PCNT: variants seen among roughly 807,000 people sequenced by gnomAD.
PCNT encodes the protein pericentrin.
A neutral mutation model predicts 380.4 loss-of-function variants in PCNT; 319 were observed. That is an observed-to-expected ratio of 0.84 (90% confidence interval 0.77 to 0.92). The LOEUF (loss-of-function observed/expected upper bound fraction) is 0.92. PCNT is among the 40% of genes least tolerant of loss of function. The probability of loss-of-function intolerance (pLI) is 0.00; values close to 1 mark genes in which losing one functional copy is unlikely to be tolerated. For missense variants in PCNT, 4,400 were observed against 4,255.3 expected, an observed-to-expected ratio of 1.03 and a Z score of -0.95; for synonymous variants, 1,845 against 1,735.2, an observed-to-expected ratio of 1.06 and a Z score of -1.57.
At chr21:46,434,906 TTC>T (rs747701188) in intron 38 of PCNT, among the ~76,000 whole-genome samples, 3 of 152,238 alleles carry the variant, frequency 2.0e-5, no homozygotes, top group Non-Finnish European at 2.9e-5. Flanking sequence ...ATCCGGTCTG[TTC>T]TGTTTCAGCT....
At chr21:46,420,077 G>A (rs1602045431) in intron 31 of PCNT, among the ~76,000 whole-genome samples, 3 of 152,176 alleles carry the variant, frequency 2.0e-5, no homozygotes, top group South Asian at 2.1e-4. Context: ...CTCTGTGCCC[G>A]CGCCCTCCAG....
In PCNT at chr21:46,432,086, A is replaced by T; in HGVS notation, c.8622A>T (p.Glu2874Asp). ...EREKPAWLQA[E>D]LEQSHPRLKE... is the part of the protein sequence containing the mutation. The stretch of plus-strand genomic sequence containing the variant: ...AGAAACCAGCGTGGTTGCAGGCAGA[A>T]TTAGAGCAGTCACACCCACGGTTGA... Residue 2874 changes from glutamate (E) to aspartate (D), a missense_variant, in exon 38 of 47, where the codon GAA (glutamate) becomes GAT (aspartate). Coordinates refer to ENST00000359568, the MANE Select transcript of PCNT (RefSeq NM_006031.6). The T allele has an allele frequency of 1.9e-6, 3 of 1,614,146 alleles. No individual in the cohort carries two copies. Among genetic ancestry groups the T allele is most frequent in the Non-Finnish European group, 2.5e-6 (3 of 1,180,046 alleles).
intron 2 of PCNT, among the ~76,000 whole-genome samples, chr21:46,332,433 C>G (rs555804851): frequency 8.5e-5 from 13 of 152,296 alleles, no homozygotes; most frequent in Non-Finnish European, 1.8e-4. Context: ...TTTAAAACAA[C>G]TTTATAAGAA....
At chr21:46,359,485 T>G (rs1287175423) in intron 13 of PCNT, among the ~76,000 whole-genome samples, 1 of 87,060 alleles carries the variant, frequency 1.1e-5, no homozygotes, top group Non-Finnish European at 2.6e-5. Flanking sequence ...CACCTGTTTT[T>G]TTTTTGTTTT....
intron 15 of PCNT, among the ~76,000 whole-genome samples, chr21:46,370,968 G>T (rs2085103735): frequency 6.6e-6 from 1 of 152,224 alleles, no homozygotes; most frequent in African/African-American, 2.4e-5. Context: ...CCGGGAGGCG[G>T]AGGTTGTGGT....
At position 46,412,247 on chromosome 21, in the gene PCNT, G is replaced by C. The variant is rs575036580; in HGVS notation, c.5994+180G>C. Among the ~76,000 whole-genome samples, 10 of 152,318 alleles carry C rather than the reference G, an allele frequency of 6.6e-5. No individual in the cohort carries two copies. In the South Asian group the frequency reaches 2.1e-3, roughly 32 times the overall value. ...GCCTGGGCCTGTTCCGTGTCAGTACGCAGTGAAGCTGGGCTGAGGATTTCA... is the reference window on the plus strand; with the variant it reads ...GCCTGGGCCTGTTCCGTGTCAGTACCCAGTGAAGCTGGGCTGAGGATTTCA... On this transcript the variant is annotated intron_variant, in intron 28 of 46. Coordinates refer to ENST00000359568, the MANE Select transcript of PCNT (RefSeq NM_006031.6).
Position 46,401,660 on chromosome 21 carries a change from C to T in PCNT, c.4901C>T (p.Pro1634Leu). The stretch of plus-strand genomic sequence containing the variant: ...CCCGAGCCTCCTTCGGGCAGCCCTC[C>T]TGAGGGTCCAGAAATACAGTTAGAG... Reference protein sequence around the residue: ...RCPEPPSGSPPEGPEIQLEVT... With the variant: ...RCPEPPSGSPLEGPEIQLEVT... Residue 1634 changes from proline to leucine, a missense_variant, in exon 26 of 47, where the codon CCT (proline) becomes CTT (leucine). By Grantham distance (98) the Pro-to-Leu change is moderately conservative (BLOSUM62 -3). Transcript: ENST00000359568. The T allele has an allele frequency of 6.2e-7, 1 of 1,614,010 alleles. No homozygotes were observed. Among genetic ancestry groups the T allele is most frequent in the Non-Finnish European group, 8.5e-7 (1 of 1,180,000 alleles).
Position 46,351,475 on chromosome 21 carries a change from A to T in PCNT, c.1391A>T (p.Gln464Leu), listed in dbSNP as rs1231574520. Reference protein sequence around the residue: ...ASYEDLKAQSQEEIRRLWSQL... With the variant: ...ASYEDLKAQSLEEIRRLWSQL... ...TATGAAGACCTGAAGGCACAATCACAAGAAGAGATCAGGCGCTTGTGGTCC... is the reference window on the plus strand; with the variant it reads ...TATGAAGACCTGAAGGCACAATCACTAGAAGAGATCAGGCGCTTGTGGTCC... The change falls in exon 9 of 47, where the codon CAA becomes CTA. Residue 464 changes from glutamine (Q) to leucine (L), a missense_variant. Physicochemically the swap from Gln to Leu is moderately radical, Grantham distance 113. Coordinates refer to ENST00000359568, the MANE Select transcript of PCNT (RefSeq NM_006031.6). The T allele has an allele frequency of 1.2e-6, 2 of 1,613,422 alleles. No individual in the cohort carries two copies. The highest frequency in any genetic ancestry group is 3.3e-5 in the Admixed American group (2 of 59,998).
At chr21:46,402,107 G>A (rs2086448459) in intron 26 of PCNT, among the ~76,000 whole-genome samples, 2 of 145,944 alleles carry the variant, frequency 1.4e-5, no homozygotes, top group Admixed American at 1.4e-4. Flanking sequence ...GCCTGCTTGA[G>A]CCTCTCAAAG....
rs536075262 is a variant in PCNT at position 46,431,472 on chromosome 21, A to C, written c.8065-57A>C. 1,574 of 1,613,364 alleles carry C rather than the reference A, an allele frequency of 9.8e-4. 1 individual carries two copies. Among genetic ancestry groups the C allele is most frequent in the Non-Finnish European group, 1.3e-3 (1,507 of 1,179,852 alleles). On this transcript the variant is annotated intron_variant, in intron 37 of 46. Coordinates refer to ENST00000359568, the MANE Select transcript of PCNT (RefSeq NM_006031.6). ...ATAAACAAATGTGGACAGGAAAACC[A>C]TGTAGACACTTTTCCTCTTGATTCA... is the stretch of plus-strand genomic sequence containing the variant.
intron 34 of PCNT, 135 bp from the exon 35 acceptor site, chr21:46,428,260 A>G: frequency 1.2e-6 from 1 of 818,104 alleles, no homozygotes; most frequent in Non-Finnish European, 2.1e-6. Flanking sequence ...GCTGAGGCCC[A>G]GCAGATACTG....
rs1601738746 is a variant in PCNT at position 46,327,722 on chromosome 21, A to T, written c.267+1133A>T. On this transcript the variant is annotated intron_variant, in intron 2 of 46. Transcript: ENST00000359568. ...TTTCTTGGGACATTTAAAACATAATATTCCTTCACATAGTTGTAAATGCAC... is the reference window on the plus strand; with the variant it reads ...TTTCTTGGGACATTTAAAACATAATTTTCCTTCACATAGTTGTAAATGCAC... Among the ~76,000 whole-genome samples, 3 of 152,226 alleles carry T rather than the reference A, an allele frequency of 2.0e-5. No homozygotes were observed. In the East Asian group the frequency reaches 5.8e-4, roughly 29 times the overall value.
chr21:46,416,136 T>C lies in PCNT; in HGVS notation c.6218T>C (p.Leu2073Pro). The C allele has an allele frequency of 6.2e-7, 1 of 1,614,176 alleles. No homozygotes were observed. Residue 2073 changes from leucine to proline, a missense_variant, in exon 30 of 47, where the codon CTT becomes CCT. Transcript: ENST00000359568. ...KVDLVAQVKQ[L>P]QEKLNRLLYS... ...GATCTCGTAGCTCAGGTGAAACAGC[T>C]TCAGGAAAAACTGAACCGTTTGCTG...
rs766706971 is a variant in PCNT, at chr21:46,437,028, C to G, written c.9046C>G (p.Leu3016Val). 1.9e-6 allele frequency: 3 copies of G among 1,614,188 alleles called. No individual in the cohort carries two copies. The highest frequency in any genetic ancestry group is 2.2e-5 in the South Asian group (2 of 91,088). Residue 3016 changes from leucine to valine, a missense_variant, in exon 40 of 47, where the codon CTG becomes GTG. Physicochemically the swap from Leu to Val is conservative, Grantham distance 32. Transcript: ENST00000359568. ...SSNEKAVMSL[L>V]HTLEELKSDL... ...CAATGAGAAAGCAGTGATGTCTTTA[C>G]TGCACACGTTGGAGGAGCTGAAGTC...
chr21:46,359,247 C>CCAGCCTCGTCTT lies in PCNT; in HGVS notation c.2154+2056_2154+2057insCAGCCTCGTCTT, dbSNP rs1555957717. On this transcript the variant is annotated intron_variant, in intron 13 of 46. Transcript: ENST00000359568. ...GGACTACAGGCGTGAGCCACCGAACCTGGCTCCAGGTGACTTTTTGATGCT... is the reference window on the plus strand; with the variant it reads ...GGACTACAGGCGTGAGCCACCGAACCCAGCCTCGTCTTTGGCTCCAGGTGACTTTTTGATGCT... Among the ~76,000 whole-genome samples, 93 of 145,178 alleles carry CCAGCCTCGTCTT rather than the reference C, an allele frequency of 6.4e-4. 1 individual carries two copies. Among genetic ancestry groups the CCAGCCTCGTCTT allele is most frequent in the Admixed American group, 6.8e-4 (10 of 14,630 alleles).
chr21:46,418,124 T>G (rs1191138386), intron 30 of PCNT, 80 bp from the exon 31 acceptor site: 1 of 859,368 alleles, frequency 1.2e-6, no homozygotes, highest in East Asian at 2.5e-5. Flanking sequence ...ATTCAGGCCT[T>G]TGAAAGTTTT....
chr21:46,368,011 C>T (rs1019814968), intron 15 of PCNT, among the ~76,000 whole-genome samples: 14 of 152,092 alleles, frequency 9.2e-5, no homozygotes, highest in Admixed American at 6.6e-4. Flanking sequence ...AACAATTCAC[C>T]GGGCGTGGGG....
intron 6 of PCNT, 38 bp downstream of exon 6, chr21:46,347,550 A>G (rs753564519): frequency 5.0e-6 from 8 of 1,602,034 alleles, no homozygotes; most frequent in Non-Finnish European, 6.8e-6. Flanking sequence ...GCCTCTGTGT[A>G]TGTTGTTTTT....
Position 46,397,434 on chromosome 21 carries a change from C to A in PCNT, c.4386C>A (p.Ala1462=). 1 of 1,614,176 alleles carries A rather than the reference C, an allele frequency of 6.2e-7. No individual in the cohort carries two copies. Among genetic ancestry groups the A allele is most frequent in the East Asian group, 2.2e-5 (1 of 44,890 alleles). ...GCAKQAEAVT[A]LEQQVASLDK... Reference sequence around the variant, plus strand: ...CCAAGCAGGCGGAGGCCGTCACTGCCCTGGAACAGCAGGTGGCATCTCTGG... The same window carrying A: ...CCAAGCAGGCGGAGGCCGTCACTGCACTGGAACAGCAGGTGGCATCTCTGG... Residue 1462 remains alanine, a synonymous_variant, in exon 22 of 47, where the codon GCC becomes GCA. Coordinates refer to ENST00000359568, the MANE Select transcript of PCNT (RefSeq NM_006031.6).
Sources: gnomAD v4.1 joint callset for allele counts (sites outside exome capture counted in the v4.1 genomes callset) on GRCh38, gnomAD v4.1.1 for gene constraint, MANE v1.5 for transcripts, NCBI Gene and HGNC (gene_info 2026-07-23, HGNC 2026-07-21) for gene names.